PSME4: variants seen among roughly 807,000 people sequenced by gnomAD.
PSME4 encodes proteasome activator complex subunit 4.
In PSME4, 89 loss-of-function variants were observed where a neutral mutation model predicts 253.9. The observed-to-expected ratio is 0.35, with a 90% CI of 0.30 to 0.42. PSME4 has a LOEUF of 0.42. PSME4 is among the 10% of genes least tolerant of loss of function. PSME4 has a pLI of 1.00. For synonymous variants in PSME4, 851 were observed against 759.2 expected (o/e 1.12, Z -1.99); for missense variants, 2,014 against 2,195.2 (o/e 0.92, Z 1.65).
chr2:53,893,024 G>C (rs1679980754), intron 35 of PSME4, 64 bp from the exon 36 acceptor site: 2 of 1,454,044 alleles, frequency 1.4e-6, no homozygotes, highest in Non-Finnish European at 1.9e-6. Flanking sequence ...AATTATGCTT[G>C]TAATTATTCT....
intron 43 of PSME4, among the ~76,000 whole-genome samples, chr2:53,871,982 C>G (rs1467157850): frequency 3.3e-5 from 5 of 152,082 alleles, no homozygotes; most frequent in Admixed American, 6.5e-5. Flanking sequence ...CCACTGCACT[C>G]CCGCCTGGGC....
intron 3 of PSME4, among the ~76,000 whole-genome samples, chr2:53,941,241 C>T (rs1278092163): frequency 6.9e-6 from 1 of 145,222 alleles, no homozygotes; most frequent in African/African-American, 2.6e-5. Context: ...TTCAAAACTA[C>T]TCAGAGAAAA....
chr2:53,956,700 G>A (rs1363423240), intron 1 of PSME4, among the ~76,000 whole-genome samples: 1 of 151,650 alleles, frequency 6.6e-6, no homozygotes, highest in African/African-American at 2.4e-5. Context: ...AGTCTCCCAA[G>A]TAGCTGGAAT....
chr2:53,962,236 T>G (rs1290435351), intron 1 of PSME4, among the ~76,000 whole-genome samples: 3 of 152,172 alleles, frequency 2.0e-5, no homozygotes, highest in Non-Finnish European at 4.4e-5. Flanking sequence ...TATTCCTAAT[T>G]AGATGGGGAG....
intron 32 of PSME4, among the ~76,000 whole-genome samples, chr2:53,896,047 C>A (rs1244644195): frequency 2.0e-5 from 3 of 151,986 alleles, no homozygotes; most frequent in African/African-American, 7.3e-5. Context: ...TAATTTCAGA[C>A]TTACAGAGCT....
At chr2:53,868,671 T>G (rs1443510653) in intron 44 of PSME4, among the ~76,000 whole-genome samples, 1 of 147,976 alleles carries the variant, frequency 6.8e-6, no homozygotes, top group Non-Finnish European at 1.5e-5. Flanking sequence ...TTTATTGGAT[T>G]CTGTTACTAG....
chr2:53,885,085 C>A (rs1471323467), intron 41 of PSME4, among the ~76,000 whole-genome samples: 1 of 152,192 alleles, frequency 6.6e-6, no homozygotes, highest in Non-Finnish European at 1.5e-5. Flanking sequence ...TTCCTAACCA[C>A]AGCCAACCAT....
rs938606846 is a variant in PSME4 at position 53,925,817 on chromosome 2, A to G, written c.1659-128T>C. The G allele has an allele frequency of 9.5e-6, 12 of 1,262,304 alleles. No individual in the cohort carries two copies. In the Admixed American group the frequency reaches 1.5e-4, roughly 15 times the overall value. 78.2% of individuals were successfully genotyped at this position (1,262,304 alleles called of 1,614,324 possible). On this transcript the variant is annotated intron_variant, in intron 13 of 46. Transcript: ENST00000404125. Reference sequence around the variant, plus strand: ...GCTACTTAATTTCTACGTGGTTCACAAATCGATTATCCTTTTATAACTTCA... The same window carrying G: ...GCTACTTAATTTCTACGTGGTTCACGAATCGATTATCCTTTTATAACTTCA...
chr2:53,906,477 T>C lies in PSME4; in HGVS notation c.2943+121A>G. 4 of 1,348,350 alleles carry C rather than the reference T, an allele frequency of 3.0e-6. No individual in the cohort carries two copies. In the South Asian group the frequency reaches 9.6e-5, roughly 32 times the overall value. The allele number at this position is 1,348,350 out of a possible 1,614,324, so 83.5% of individuals were successfully genotyped here. On this transcript the variant is annotated intron_variant, in intron 26 of 46. Transcript: ENST00000404125. ...TACTGGAAATTACAATTTCCAATAA[T>C]TGAGAGAATAATTCCAATTATGGGT...
chr2:53,927,545 C>T (rs1668614390), intron 11 of PSME4, 62 bp from the exon 12 acceptor site: 4 of 1,130,502 alleles, frequency 3.5e-6, no homozygotes, highest in South Asian at 1.3e-5. Flanking sequence ...TACAAGTATA[C>T]CATGAACTAC....
At chr2:53,915,703 G>A (rs1046771393) in intron 20 of PSME4, among the ~76,000 whole-genome samples, 1 of 151,664 alleles carries the variant, frequency 6.6e-6, no homozygotes, top group Admixed American at 6.6e-5. Flanking sequence ...TTAATACTAA[G>A]TAATCTGACA....
chr2:53,963,105 C>G (rs889911003), intron 1 of PSME4, among the ~76,000 whole-genome samples: 1 of 151,842 alleles, frequency 6.6e-6, no homozygotes. Flanking sequence ...GGTGGAGGAT[C>G]ACTTGAGCCC....
In PSME4 at chr2:53,874,381, G is replaced by T; in HGVS notation, c.5058C>A (p.Ile1686=). Residue 1686 remains isoleucine (I), a synonymous_variant, in exon 43 of 47, where the codon ATC becomes ATA. Coordinates refer to ENST00000404125, the MANE Select transcript of PSME4 (RefSeq NM_014614.3). The part of the protein sequence containing the change: ...FLNNEDAVKD[I]RWLVISLLED... Reference sequence around the variant, plus strand: ...CCAAAAGACTTATAACCAGCCACCTGATATCTTTAACTGCATCTTCATTGT... The same window carrying T: ...CCAAAAGACTTATAACCAGCCACCTTATATCTTTAACTGCATCTTCATTGT... The T allele has an allele frequency of 6.2e-7, 1 of 1,613,930 alleles. No individual in the cohort carries two copies. The highest frequency in any genetic ancestry group is 8.5e-7 in the Non-Finnish European group (1 of 1,179,938).
Position 53,866,818 on chromosome 2 carries a change from C to T in PSME4, c.5326G>A (p.Asp1776Asn), listed in dbSNP as rs767079416. Residue 1776 changes from aspartate (D) to asparagine (N), a missense_variant, in exon 45 of 47, where the codon GAT (aspartate) becomes AAT (asparagine). Asp to Asn is a conservative substitution (Grantham distance 23). Around this residue, in one of 4 missense-constraint regions of PSME4, gnomAD observed 403 missense variants for 556.1 expected, o/e 0.72. Transcript: ENST00000404125. ...LGACVLSSPYDVPTWMPQLLM... is the reference protein window; with the variant it reads ...LGACVLSSPYNVPTWMPQLLM... The stretch of plus-strand genomic sequence containing the variant: ...AGCTGGGGCATCCAGGTGGGAACAT[C>T]GTAAGGACTAGAAAGAACACATGCA... The T allele has an allele frequency of 2.5e-6, 4 of 1,613,838 alleles. No individual in the cohort carries two copies. Among genetic ancestry groups the T allele is most frequent in the African/African-American group, 2.7e-5 (2 of 74,886 alleles).
At chr2:53,921,263 GT>G (rs1233150165) in intron 17 of PSME4, among the ~76,000 whole-genome samples, 159 bp from the exon 18 acceptor site, 1 of 152,036 alleles carries the variant, frequency 6.6e-6, no homozygotes, top group African/African-American at 2.4e-5. Flanking sequence ...ATAATTAATT[GT>G]TTTTTGAAAT....
At chr2:53,908,863 G>C (rs1483800884) in intron 21 of PSME4, 23 bp from the exon 22 acceptor site, 1 of 1,528,740 alleles carries the variant, frequency 6.5e-7, no homozygotes, top group Non-Finnish European at 8.9e-7. Context: ...AATAAAAGAA[G>C]GTATTTTAGA....
intron 3 of PSME4, among the ~76,000 whole-genome samples, chr2:53,943,093 T>C (rs6761242): frequency 0.05 from 7,591 of 152,282 alleles, 422 homozygotes; most frequent in East Asian, 0.29. Context: ...ACCAGGACAA[T>C]ATTCACTTCT....
Position 53,910,080 on chromosome 2 carries a change from T to C in PSME4, c.2567A>G (p.Glu856Gly). ...LEETKLYTGL[E>G]YDLSRENHRE... ...TCAGATTAGGATTCACATACCATAT[T>C]CAAGTCCAGTATACAACTTTGTCTC... The change falls in exon 21 of 47, where the codon GAA (glutamate) becomes GGA (glycine). Residue 856 changes from glutamate (E) to glycine (G), a missense_variant. Transcript: ENST00000404125. 1 of 1,604,328 alleles carries C rather than the reference T, an allele frequency of 6.2e-7. No individual in the cohort carries two copies. The highest frequency in any genetic ancestry group is 8.5e-7 in the Non-Finnish European group (1 of 1,171,220).
chr2:53,898,318 A>G lies in PSME4; in HGVS notation c.3459T>C (p.Gly1153=). ...YENLVDTLLD[G]VEQRNLPWKF... is the part of the protein sequence containing the mutation. ...GCACTTACAGGTTTCTTTGCTCCAC[A>G]CCATCTAGCAAGGTGTCTACCAAAT... Residue 1153 remains glycine (G), a synonymous_variant, in exon 30 of 47, where the codon GGT becomes GGC. Coordinates refer to ENST00000404125, the MANE Select transcript of PSME4 (RefSeq NM_014614.3). The G allele has an allele frequency of 6.2e-7, 1 of 1,607,766 alleles. No homozygotes were observed. The highest frequency in any genetic ancestry group is 8.5e-7 in the Non-Finnish European group (1 of 1,177,702).
Sources: gnomAD v4.1 joint callset for allele counts (sites outside exome capture counted in the v4.1 genomes callset) on GRCh38, gnomAD v4.1.1 for gene constraint, gnomAD v4.1.1 regional missense constraint, MANE v1.5 for transcripts, NCBI Gene and HGNC (gene_info 2026-07-23, HGNC 2026-07-21) for gene names.